CRACR2A: variants seen among roughly 807,000 people sequenced by gnomAD.
CRACR2A encodes calcium release activated channel regulator 2A.
A neutral mutation model predicts 90.5 loss-of-function variants in CRACR2A; 79 were observed. The ratio of observed to expected loss-of-function variants is 0.87; its 90% CI spans 0.73 to 1.05. The LOEUF (loss-of-function observed/expected upper bound fraction) is 1.05. Among genes scored for constraint, CRACR2A ranks in the 50% least tolerant of loss-of-function variants. The probability of loss-of-function intolerance (pLI) is 0.00; values close to 1 mark genes in which losing one functional copy is unlikely to be tolerated. For missense variants in CRACR2A, 823 were observed against 897.2 expected, an observed-to-expected ratio of 0.92 and a Z score of 1.06; for synonymous variants, 338 against 356.7, an observed-to-expected ratio of 0.95 and a Z score of 0.59.
intron 2 of CRACR2A, among the ~76,000 whole-genome samples, chr12:3,719,705 A>T (rs1419520719): frequency 6.6e-6 from 1 of 152,236 alleles, no homozygotes; most frequent in Non-Finnish European, 1.5e-5. Flanking sequence ...ACATCTAAAT[A>T]ACAAAAATCC....
At chr12:3,749,998 G>A (rs1017367234) in intron 1 of CRACR2A, among the ~76,000 whole-genome samples, 8 of 151,408 alleles carry the variant, frequency 5.3e-5, no homozygotes, top group South Asian at 2.1e-4. Flanking sequence ...GTGCAATGGC[G>A]CAATCTCAGC....
At chr12:3,735,024 C>T (rs189469781) in intron 1 of CRACR2A, among the ~76,000 whole-genome samples, 2 of 152,244 alleles carry the variant, frequency 1.3e-5, no homozygotes, top group Admixed American at 6.5e-5. Context: ...GCTCCTACCA[C>T]ATACACAAAA....
In CRACR2A at chr12:3,696,867, T is replaced by C. The variant is rs774394933; in HGVS notation, c.133A>G (p.Thr45Ala). The change falls in exon 4 of 20, where the codon ACG becomes GCG. Residue 45 changes from threonine to alanine, a missense_variant. Thr to Ala is a moderately conservative substitution (Grantham distance 58). Coordinates refer to ENST00000440314, the MANE Select transcript of CRACR2A (RefSeq NM_001144958.2). ...SLEQKETQEQ[T>A]SGQLVMLRKA... is the part of the protein sequence containing the mutation. ...CTCAGCATGACTAGCTGGCCCGACG[T>C]TTGCTCCTGAGTCTCCTTCTGCTCC... is the stretch of plus-strand genomic sequence containing the variant. 1 of 1,614,182 alleles carries C rather than the reference T, an allele frequency of 6.2e-7. No individual in the cohort carries two copies. Among genetic ancestry groups the C allele is most frequent in the Non-Finnish European group, 8.5e-7 (1 of 1,180,036 alleles).
At position 3,641,825 on chromosome 12, in the gene CRACR2A, G is replaced by A. The variant is rs1351203981; in HGVS notation, c.1178C>T (p.Ala393Val). The A allele has an allele frequency of 6.4e-7, 1 of 1,550,926 alleles. No homozygotes were observed. The highest frequency in any genetic ancestry group is 2.4e-5 in the East Asian group (1 of 40,918). ...CCTGGAAGCAGCTGTGTTTGCCTTG[G>A]CTGCCTTATTTTTCTGTAGAAACAC... ...RDICFQKNKA[A>V]KANTAASRAS... is the part of the protein sequence containing the mutation. Residue 393 changes from alanine (A) to valine (V), a missense_variant, in exon 13 of 20, where the codon GCC (alanine) becomes GTC (valine). Transcript: ENST00000440314.
rs149272942 is a variant in CRACR2A at position 3,647,653 on chromosome 12, G to C, written c.1118+889C>G. On this transcript the variant is annotated intron_variant, in intron 11 of 19. Transcript: ENST00000440314. Reference sequence around the variant, plus strand: ...ATCATGTACTGAGCACAATCAATCTGAAACGCATTCAGGTTAAAGCACTTT... The same window carrying C: ...ATCATGTACTGAGCACAATCAATCTCAAACGCATTCAGGTTAAAGCACTTT... 5.7e-3 allele frequency among the ~76,000 whole-genome samples: 862 copies of C among 152,250 alleles called. 21 individuals carry two copies. The highest frequency in any genetic ancestry group is 0.044 in the Admixed American group (667 of 15,278).
chr12:3,649,090 G>A (rs79039989), intron 10 of CRACR2A, among the ~76,000 whole-genome samples: 4 of 151,732 alleles, frequency 2.6e-5, no homozygotes, highest in African/African-American at 9.7e-5. Context: ...TGGGGTGGGG[G>A]AAGGGGGGAG....
chr12:3,737,897 T>G (rs1050111891), intron 1 of CRACR2A, among the ~76,000 whole-genome samples: 1 of 152,240 alleles, frequency 6.6e-6, no homozygotes, highest in African/African-American at 2.4e-5. Context: ...TAAAGGAGCC[T>G]CTCATCGATA....
intron 1 of CRACR2A, among the ~76,000 whole-genome samples, chr12:3,734,645 GTGTGTGTGCATATA>G (rs1226659712): frequency 6.6e-6 from 1 of 150,588 alleles, no homozygotes; most frequent in African/African-American, 2.4e-5. Flanking sequence ...GTGTGTGTGT[GTGTGTGTGCATATA>G]CATAATAGAA....
chr12:3,676,436 C>A (rs1332033170), intron 6 of CRACR2A, among the ~76,000 whole-genome samples: 4 of 152,236 alleles, frequency 2.6e-5, no homozygotes, highest in African/African-American at 9.6e-5. Flanking sequence ...ATGTTTATAT[C>A]TCCTACAAAT....
intron 17 of CRACR2A, among the ~76,000 whole-genome samples, chr12:3,619,909 T>C (rs1944100752): frequency 6.6e-6 from 1 of 152,242 alleles, no homozygotes. Flanking sequence ...CCTCATGGTC[T>C]TGCGCCCACA....
At chr12:3,723,408 C>T (rs115715559) in intron 2 of CRACR2A, among the ~76,000 whole-genome samples, 1,825 of 152,218 alleles carry the variant, frequency 0.012, 41 homozygotes, top group African/African-American at 0.041. Flanking sequence ...CCCTGGAAAA[C>T]TCTTTTGGAT....
chr12:3,642,125 G>A (rs1944583665), intron 12 of CRACR2A, among the ~76,000 whole-genome samples: 1 of 152,022 alleles, frequency 6.6e-6, no homozygotes, highest in Admixed American at 6.6e-5. Flanking sequence ...ATTTGTAAAA[G>A]GAAAAGAAGA....
At chr12:3,726,800 T>C (rs1389664191) in intron 2 of CRACR2A, 2 of 150,392 alleles carry the variant, frequency 1.3e-5, no homozygotes, top group African/African-American at 4.9e-5. Context: ...TCCCACCCAC[T>C]GTGTTGAGGC....
intron 15 of CRACR2A, among the ~76,000 whole-genome samples, chr12:3,629,213 C>T (rs562178531): frequency 2.6e-5 from 4 of 152,150 alleles, no homozygotes; most frequent in African/African-American, 7.2e-5. Context: ...CACGAGCCGT[C>T]GTGCCTTGCC....
At chr12:3,661,569 C>T in intron 7 of CRACR2A, among the ~76,000 whole-genome samples, 1 of 152,196 alleles carries the variant, frequency 6.6e-6, no homozygotes, top group East Asian at 1.9e-4. Context: ...TGAGCTAACT[C>T]ATAAGAATTA....
chr12:3,734,103 TG>T (rs11304128), intron 1 of CRACR2A, among the ~76,000 whole-genome samples: 86,411 of 150,686 alleles, frequency 0.57, 26,168 homozygotes, highest in East Asian at 0.71. Flanking sequence ...CCTGAGTAGC[TG>T]GGACTACAGG....
chr12:3,713,158 G>C (rs1565498519), intron 3 of CRACR2A, 79 bp downstream of exon 3: 1 of 637,316 alleles, frequency 1.6e-6, no homozygotes, highest in East Asian at 1.4e-4. Context: ...GTGCTAACAA[G>C]GCAGGGCCTG....
intron 18 of CRACR2A, 88 bp downstream of exon 18, chr12:3,619,183 G>A (rs1867756672): frequency 1.9e-6 from 2 of 1,063,660 alleles, no homozygotes; most frequent in African/African-American, 3.2e-5. Flanking sequence ...CACTTCCAGA[G>A]AAAGTCCCCA....
At chr12:3,694,435 C>A (rs1245141111) in intron 4 of CRACR2A, among the ~76,000 whole-genome samples, 1 of 152,164 alleles carries the variant, frequency 6.6e-6, no homozygotes, top group Admixed American at 6.6e-5. Context: ...AATGTGAGTT[C>A]TTTCCCTTCC....
Sources: allele counts gnomAD v4.1 joint callset (sites outside exome capture counted in the v4.1 genomes callset), GRCh38; gene constraint gnomAD v4.1.1; transcripts MANE v1.5; gene names NCBI Gene and HGNC (gene_info 2026-07-23, HGNC 2026-07-21).